The following NPC1 variants were observed in gnomAD, a reference collection of about 807,000 sequenced individuals.
NPC1 encodes the protein Niemann-Pick C1 protein.
NPC1 carries 85 observed loss-of-function variants against 140.4 expected under a neutral mutation model. That is an observed-to-expected ratio of 0.61 (90% CI 0.51 to 0.72). The LOEUF (loss-of-function observed/expected upper bound fraction) is 0.72. Ranked by LOEUF, NPC1 falls within the 30% of genes least tolerant of loss-of-function variation. The probability of loss-of-function intolerance (pLI) is 0.00; values close to 1 mark genes in which losing one functional copy is unlikely to be tolerated. For missense variants in NPC1, 1,504 were observed against 1,623.8 expected (o/e 0.93, Z 1.27); for synonymous variants, 656 against 624.8 (o/e 1.05, Z -0.74).
At chr18:23,530,320 T>TA (rs1407179515), downstream of NPC1, 2 of 1,614,112 alleles carry the variant, frequency 1.2e-6, no homozygotes, top group African/African-American at 1.3e-5. Context: ...TGTGAGGTTT[T>TA]AGACTATGGA....
At chr18:23,544,622 T>A in intron 12 of NPC1, 96 bp from the exon 13 acceptor site, 3 of 1,109,018 alleles carry the variant, frequency 2.7e-6, no homozygotes, top group Non-Finnish European at 4.1e-6. Context: ...CAGGGCTGTA[T>A]TAAACCTAGA....
At position 23,545,388 on chromosome 18, in the gene NPC1, G is replaced by A. The variant is rs150576227; in HGVS notation, c.1758-239C>T. On this transcript the variant is annotated intron_variant, in intron 11 of 24. Coordinates refer to ENST00000269228, the MANE Select transcript of NPC1 (RefSeq NM_000271.5). ...CTCCTGAGTAGCTGGGACTCCAGGC[G>A]TGCGCCACCAGGCCCGGCTAATTTT... Among the ~76,000 whole-genome samples the A allele has an allele frequency of 3.2e-3, 489 of 152,158 alleles. 4 individuals carry two copies. The highest frequency in any genetic ancestry group is 0.011 in the African/African-American group (467 of 41,516).
chr18:23,577,952 C>T (rs568884478), intron 1 of NPC1, among the ~76,000 whole-genome samples: 6 of 152,362 alleles, frequency 3.9e-5, no homozygotes, highest in Admixed American at 3.9e-4. Context: ...CCCACGCCCA[C>T]CCGGAACTCC....
chr18:23,507,244 A>T (rs1380728552), intron 3 of NPC1, among the ~76,000 whole-genome samples: 5 of 152,184 alleles, frequency 3.3e-5, no homozygotes, highest in Admixed American at 2.0e-4. Flanking sequence ...AAATGACCTT[A>T]GTTTGATTTT....
chr18:23,555,283 T>A (rs1487316046), intron 8 of NPC1, among the ~76,000 whole-genome samples: 1 of 152,242 alleles, frequency 6.6e-6, no homozygotes, highest in Non-Finnish European at 1.5e-5. Flanking sequence ...CGTTCTCCAG[T>A]GGTGGCCAGC....
chr18:23,551,700 A>T lies in NPC1; in HGVS notation c.1581T>A (p.Ser527Arg), dbSNP rs769935106. 27 of 1,614,078 alleles carry T rather than the reference A, an allele frequency of 1.7e-5. No homozygotes were observed. The South Asian group carries it at 3.0e-4, about 18-fold the overall frequency. Residue 527 changes from serine (S) to arginine (R), a missense_variant, in exon 10 of 25, where the codon AGT (serine) becomes AGA (arginine). Coordinates refer to ENST00000269228, the MANE Select transcript of NPC1 (RefSeq NM_000271.5). ...VRAPASLNDT[S>R]LLHDPCLGTF... ...TACCCAGACAAGGGTCATGGAGCAA[A>T]CTTGTATCATTCAGAGAGGCAGGAG...
intron 4 of NPC1, among the ~76,000 whole-genome samples, chr18:23,564,191 C>T (rs1042574461): frequency 6.6e-6 from 1 of 151,906 alleles, no homozygotes; most frequent in African/African-American, 2.4e-5. Flanking sequence ...ACCATGTTGG[C>T]CAGGCTGGTC....
intron 23 of NPC1, chr18:23,534,083 G>A: frequency 2.3e-6 from 1 of 428,426 alleles, no homozygotes; most frequent in East Asian, 5.0e-5. Context: ...AAAGAGATAG[G>A]CTAAGCCAGG....
chr18:23,512,766 A>G (rs1320633874), intron 3 of NPC1, among the ~76,000 whole-genome samples: 2 of 152,132 alleles, frequency 1.3e-5, no homozygotes, highest in African/African-American at 4.8e-5. Flanking sequence ...AAAAAAACAT[A>G]CAACATTTAT....
At position 23,544,943 on chromosome 18, in the gene NPC1, A is replaced by ACACC; in HGVS notation, c.1947+16_1947+17insGGTG. 6.8e-6 allele frequency: 7 copies of ACACC among 1,032,984 alleles called. No homozygotes were observed. The highest frequency in any genetic ancestry group is 3.3e-5 in the East Asian group (1 of 30,172). 64.0% of individuals were successfully genotyped at this position (1,032,984 alleles called of 1,614,324 possible). A position where few individuals can be genotyped will look rare whatever the true frequency, so the allele number is the denominator to read the frequency against. On this transcript the variant is annotated intron_variant, in intron 12 of 24. Transcript: ENST00000269228. Reference sequence around the variant, plus strand: ...GCTGTTAACCTCTAGAACATACACCACCCCCCCCCGGCTTACCAGAAGCCT... The same window carrying ACACC: ...GCTGTTAACCTCTAGAACATACACCACACCCCCCCCCCCGGCTTACCAGAAGCCT...
intron 1 of NPC1, among the ~76,000 whole-genome samples, chr18:23,523,207 A>C (rs2058190414): frequency 6.6e-6 from 1 of 152,096 alleles, no homozygotes; most frequent in African/African-American, 2.4e-5. Flanking sequence ...TTCTCTGACC[A>C]GCTGATTGAA....
chr18:23,517,465 C>T (rs139899562), downstream of NPC1, among the ~76,000 whole-genome samples: 1,745 of 152,090 alleles, frequency 0.011, 36 homozygotes, highest in African/African-American at 0.04. Context: ...GGTATATTTT[C>T]ATTTGAAAAA....
At chr18:23,507,142 A>C in intron 3 of NPC1, 1 of 886,088 alleles carries the variant, frequency 1.1e-6, no homozygotes, top group East Asian at 2.6e-5. Flanking sequence ...TGTTAAAGGA[A>C]ACTTTTATTA....
rs998219899 is a variant in NPC1 at position 23,586,480 on chromosome 18, A to T, written c.-137T>A. 20 of 1,432,886 alleles carry T rather than the reference A, an allele frequency of 1.4e-5. No individual in the cohort carries two copies. In the African/African-American group the frequency reaches 2.8e-4, roughly 20 times the overall value. 88.8% of individuals were successfully genotyped at this position (1,432,886 alleles called of 1,614,324 possible). On this transcript the variant is annotated 5_prime_UTR_variant, in exon 1 of 25. Transcript: ENST00000269228. ...AGCAGGAGCAGGCGCTGACCGCGGC[A>T]GCAGGCTGCGCGCGCCGGTCAGGAA...
rs1333052052 is a variant in NPC1 at position 23,544,966 on chromosome 18, C to G, written c.1941G>C (p.Arg647Ser). The G allele has an allele frequency of 8.6e-6, 13 of 1,513,924 alleles. No individual in the cohort carries two copies. The highest frequency in any genetic ancestry group is 2.7e-6 in the Non-Finnish European group (3 of 1,102,070). 93.8% of individuals were successfully genotyped at this position (1,513,924 alleles called of 1,614,324 possible). Residue 647 changes from arginine to serine, a missense_variant, in exon 12 of 25, where the codon AGG (arginine) becomes AGC (serine). Physicochemically the swap from Arg to Ser is moderately radical, Grantham distance 110. Coordinates refer to ENST00000269228, the MANE Select transcript of NPC1 (RefSeq NM_000271.5). The stretch of plus-strand genomic sequence containing the variant: ...CCACCCCCCCCCGGCTTACCAGAAG[C>G]CTGCGACAGCTTTTCATGTGCCCCA... ...LALGHMKSCR[R>S]LLVDSKVSLG...
downstream of NPC1, chr18:23,530,038 A>G (rs1485536626): frequency 1.9e-5 from 30 of 1,613,790 alleles, no homozygotes; most frequent in Non-Finnish European, 2.5e-5. Flanking sequence ...CATTACCTAC[A>G]TGAACTTGTT....
rs1335003152 is a variant in NPC1, at chr18:23,531,717, T to G, written c.*485A>C. 1 of 1,599,394 alleles carries G rather than the reference T, an allele frequency of 6.3e-7. No individual in the cohort carries two copies. Among genetic ancestry groups the G allele is most frequent in the East Asian group, 2.2e-5 (1 of 44,798 alleles). On this transcript the variant is annotated 3_prime_UTR_variant, in exon 25 of 25. Coordinates refer to ENST00000269228, the MANE Select transcript of NPC1 (RefSeq NM_000271.5). ...TACAACATTCTGAAATCACTTGCTG[T>G]TTTTTTATATAAAAATGTGTACAAA...
At position 23,586,494 on chromosome 18, in the gene NPC1, G is replaced by C. The variant is rs2059421935; in HGVS notation, c.-151C>G. ...CTGACCGCGGCAGCAGGCTGCGCGC[G>C]CCGGTCAGGAAGGAAGAAGGCGTCG... is the stretch of plus-strand genomic sequence containing the variant. On this transcript the variant is annotated 5_prime_UTR_variant, in exon 1 of 25. Transcript: ENST00000269228. 7.0e-7 allele frequency: 1 copy of C among 1,421,192 alleles called. No homozygotes were observed. Among genetic ancestry groups the C allele is most frequent in the Non-Finnish European group, 9.1e-7 (1 of 1,095,380 alleles). 88.0% of individuals were successfully genotyped at this position (1,421,192 alleles called of 1,614,324 possible). A position where few individuals can be genotyped will look rare whatever the true frequency, so the allele number is the denominator to read the frequency against.
At chr18:23,524,426 T>G (rs771296956), downstream of NPC1, 2 of 1,614,090 alleles carry the variant, frequency 1.2e-6, no homozygotes, top group Non-Finnish European at 8.5e-7. Context: ...CTATAACATG[T>G]GGATTCTTCA....
Sources: allele counts gnomAD v4.1 joint callset (sites outside exome capture counted in the v4.1 genomes callset), GRCh38; gene constraint gnomAD v4.1.1; transcripts MANE v1.5; gene names NCBI Gene and HGNC (gene_info 2026-07-23, HGNC 2026-07-21).